ZNF528: variants seen among roughly 807,000 people sequenced by gnomAD.
The protein encoded by ZNF528 is zinc finger protein 528.
Under a neutral mutation model 13.3 loss-of-function variants are expected in ZNF528, and 9 were observed. The observed-to-expected ratio is 0.67, with a 90% CI of 0.41 to 1.18. ZNF528 has a LOEUF of 1.18. Ranked by LOEUF, ZNF528 falls within the 50% of genes most tolerant of loss-of-function variation. The pLI, the probability that ZNF528 is intolerant of heterozygous loss-of-function variation, is 0.01. For missense variants in ZNF528, 858 were observed against 745.4 expected, an observed-to-expected ratio of 1.15 and a Z score of -1.76; for synonymous variants, 264 against 254.3, an observed-to-expected ratio of 1.04 and a Z score of -0.36.
In ZNF528 at chr19:52,398,531, A is replaced by G. The variant is rs1479016280; in HGVS notation, c.-225A>G. 2.0e-6 allele frequency: 2 copies of G among 976,468 alleles called. No individual in the cohort carries two copies. The highest frequency in any genetic ancestry group is 1.2e-4 in the Admixed American group (2 of 16,264). The allele number at this position is 976,468 out of a possible 1,614,324, so 60.5% of individuals were successfully genotyped here. On this transcript the variant is annotated 5_prime_UTR_variant, in exon 2 of 7. Coordinates refer to ENST00000360465, the MANE Select transcript of ZNF528 (RefSeq NM_032423.3). ...CCCCTCCCTGTGAATGTGTGGAGAA[A>G]AAGAGATGGGAACGAGGCAGAGGAA...
chr19:52,406,996 A>T (rs1205078066), intron 6 of ZNF528: 2 of 260,196 alleles, frequency 7.7e-6, no homozygotes, highest in Non-Finnish European at 1.4e-5. Context: ...CCAGTCCAGA[A>T]TGCAATGGCA....
At chr19:52,400,934 A>C (rs1026765637) in intron 2 of ZNF528, among the ~76,000 whole-genome samples, 1 of 152,050 alleles carries the variant, frequency 6.6e-6, no homozygotes, top group Non-Finnish European at 1.5e-5. Flanking sequence ...TGTATTTTTA[A>C]AAATCTGTTT....
rs2059008725 is a variant in ZNF528 at position 52,416,636 on chromosome 19, A to G, written c.1784A>G (p.His595Arg). 3.7e-6 allele frequency: 6 copies of G among 1,614,186 alleles called. No individual in the cohort carries two copies. The East Asian group carries it at 1.3e-4, about 36-fold the overall frequency. ...ACTCAGAAGTCTTCCCTCACCAATC[A>G]CCATAGAATTCACATTGGAGAGAAA... ...IFTQKSSLTN[H>R]HRIHIGEKPY... The change falls in exon 7 of 7, where the codon CAC becomes CGC. Residue 595 changes from histidine to arginine, a missense_variant. Coordinates refer to ENST00000360465, the MANE Select transcript of ZNF528 (RefSeq NM_032423.3).
At chr19:52,403,695 A>G (rs2122522967) in intron 4 of ZNF528, among the ~76,000 whole-genome samples, 1 of 150,946 alleles carries the variant, frequency 6.6e-6, no homozygotes, top group African/African-American at 2.4e-5. Flanking sequence ...AGTGAGAGAC[A>G]ACTTCTCTTA....
At position 52,415,700 on chromosome 19, in the gene ZNF528, A is replaced by G; in HGVS notation, c.848A>G (p.Lys283Arg). 6.2e-7 allele frequency: 1 copy of G among 1,614,160 alleles called. No individual in the cohort carries two copies. The highest frequency in any genetic ancestry group is 1.7e-5 in the Admixed American group (1 of 60,014). ...GACAAGGTCTTTCGAAGCAGTTCAA[A>G]GCTTGCACAACATCAAAGAATTCAT... ...ECDKVFRSSS[K>R]LAQHQRIHTG... The change falls in exon 7 of 7, where the codon AAG becomes AGG. Residue 283 changes from lysine to arginine, a missense_variant. Lys to Arg is a conservative substitution (Grantham distance 26, BLOSUM62 2). Coordinates refer to ENST00000360465, the MANE Select transcript of ZNF528 (RefSeq NM_032423.3).
chr19:52,401,990 A>G lies in ZNF528; in HGVS notation c.-24A>G. On this transcript the variant is annotated 5_prime_UTR_variant, in exon 4 of 7. Coordinates refer to ENST00000360465, the MANE Select transcript of ZNF528 (RefSeq NM_032423.3). ...CATATTATGCAAGGAAGCAACTTGG[A>G]AGAGGAAAGAAAAGAAGTCAGGAAT... The G allele has an allele frequency of 6.2e-7, 1 of 1,614,162 alleles. No individual in the cohort carries two copies. The highest frequency in any genetic ancestry group is 8.5e-7 in the Non-Finnish European group (1 of 1,180,026).
chr19:52,416,499 C>G lies in ZNF528; in HGVS notation c.1647C>G (p.Tyr549Ter). 5 of 1,614,186 alleles carry G rather than the reference C, an allele frequency of 3.1e-6. No individual in the cohort carries two copies. Among genetic ancestry groups the G allele is most frequent in the Non-Finnish European group, 4.2e-6 (5 of 1,180,030 alleles). Residue 549 changes from tyrosine (Y) to a stop codon, truncating the protein, a stop_gained, in exon 7 of 7, where the codon TAC becomes TAG. Transcript: ENST00000360465. LOFTEE classifies it low-confidence loss of function (END_TRUNC). ...TAATTCATACTGGAGAGAGGCCTTA[C>G]AGATGTAGTAAATGTGGCAAAGCAT... ...HQIIHTGERP[Y>*]RCSKCGKAFR...
At chr19:52,400,427 C>A (rs961069390) in intron 2 of ZNF528, among the ~76,000 whole-genome samples, 12 of 152,102 alleles carry the variant, frequency 7.9e-5, no homozygotes, top group Non-Finnish European at 5.9e-5. Context: ...TCTTGCTTGA[C>A]CCCATCCAAT....
chr19:52,411,752 A>G (rs1442975358), intron 6 of ZNF528: 3 of 152,316 alleles, frequency 2.0e-5, no homozygotes, highest in Admixed American at 1.3e-4. Context: ...GAATTTCCCT[A>G]AACCTTTTCT....
chr19:52,416,045 CTCA>C lies in ZNF528; in HGVS notation c.1197_1199del (p.His399del). 2 of 1,614,072 alleles carry C rather than the reference CTCA, an allele frequency of 1.2e-6. No individual in the cohort carries two copies. Among genetic ancestry groups the C allele is most frequent in the Non-Finnish European group, 1.7e-6 (2 of 1,180,030 alleles). On this transcript the variant is annotated inframe_deletion, in exon 7 of 7. Coordinates refer to ENST00000360465, the MANE Select transcript of ZNF528 (RefSeq NM_032423.3). ...TTTGGGCGCAAGTGTTTCCTGACCT[CTCA>C]TCAGAGAATTCATACTAGAGAGAGA...
chr19:52,399,484 C>T (rs1159066124), intron 2 of ZNF528, among the ~76,000 whole-genome samples: 2 of 152,144 alleles, frequency 1.3e-5, no homozygotes, highest in Non-Finnish European at 2.9e-5. Context: ...TGGCCTGCGC[C>T]TGTAATCCCA....
chr19:52,400,902 T>C (rs1419528109), intron 2 of ZNF528, among the ~76,000 whole-genome samples: 1 of 152,164 alleles, frequency 6.6e-6, no homozygotes, highest in Non-Finnish European at 1.5e-5. Context: ...CTCTTTTTTT[T>C]CGCAGCTTTG....
At chr19:52,411,984 G>T (rs1257710831) in intron 6 of ZNF528, 1 of 152,200 alleles carries the variant, frequency 6.6e-6, no homozygotes, top group Non-Finnish European at 1.5e-5. Context: ...CTAGGGGTGT[G>T]GAGGTTAGTC....
chr19:52,415,813 G>GGA lies in ZNF528; in HGVS notation c.966_967dup (p.Lys323ArgfsTer19). On this transcript the variant is annotated frameshift_variant, in exon 7 of 7. Transcript: ENST00000360465. LOFTEE classifies it low-confidence loss of function (END_TRUNC). ...TGTACGACATCAAAAAATTCATACT[G>GGA]GAGAGAAACCTTACAGTTGTAATAA... 6.2e-7 allele frequency: 1 copy of GGA among 1,614,098 alleles called. No individual in the cohort carries two copies. The highest frequency in any genetic ancestry group is 1.7e-5 in the Admixed American group (1 of 60,014).
In ZNF528 at chr19:52,416,311, C is replaced by T. The variant is rs2059003552; in HGVS notation, c.1459C>T (p.His487Tyr). The change falls in exon 7 of 7, where the codon CAT becomes TAT. Residue 487 changes from histidine to tyrosine, a missense_variant. Physicochemically the swap from His to Tyr is moderately conservative, Grantham distance 83. Transcript: ENST00000360465. ...TTCTCTAACCAGTCATCATAGAATT[C>T]ATACTGGAGAGAAGCCTTACAAATG... is the stretch of plus-strand genomic sequence containing the variant. ...KSSLTSHHRI[H>Y]TGEKPYKCNR... The T allele has an allele frequency of 6.2e-7, 1 of 1,613,986 alleles. No homozygotes were observed. Among genetic ancestry groups the T allele is most frequent in the Admixed American group, 1.7e-5 (1 of 60,006 alleles).
rs1168663513 is a variant in ZNF528, at chr19:52,416,922, G to C, written c.*183G>C. 2.8e-5 allele frequency: 17 copies of C among 607,310 alleles called. No homozygotes were observed. In the Admixed American group the frequency reaches 5.3e-4, roughly 19 times the overall value. 37.6% of individuals were successfully genotyped at this position (607,310 alleles called of 1,614,324 possible). The stretch of plus-strand genomic sequence containing the variant: ...GAGGATGAAAGCACACAGATGAATT[G>C]TGTGTACTTGGGCTATTATTCAAGG... On this transcript the variant is annotated 3_prime_UTR_variant, in exon 7 of 7. Transcript: ENST00000360465.
In ZNF528 at chr19:52,416,087, G is replaced by C; in HGVS notation, c.1235G>C (p.Ser412Thr). ...IHTRERPYGCSQCGKIFSQKS... is the reference protein window; with the variant it reads ...IHTRERPYGCTQCGKIFSQKS... ...ACTAGAGAGAGACCTTATGGATGCA[G>C]TCAGTGTGGCAAGATCTTTAGTCAG... The change falls in exon 7 of 7, where the codon AGT (serine) becomes ACT (threonine). Residue 412 changes from serine to threonine, a missense_variant. Transcript: ENST00000360465. 1 of 1,613,968 alleles carries C rather than the reference G, an allele frequency of 6.2e-7. No homozygotes were observed. Among genetic ancestry groups the C allele is most frequent in the Middle Eastern group, 1.6e-4 (1 of 6,062 alleles).
intron 6 of ZNF528, chr19:52,414,106 C>T (rs187068929): frequency 6.0e-5 from 40 of 664,188 alleles, no homozygotes; most frequent in East Asian, 5.2e-4. Flanking sequence ...TTTAGAGCAC[C>T]GACCTCATAT....
At chr19:52,400,940 T>C (rs1446524808) in intron 2 of ZNF528, among the ~76,000 whole-genome samples, 1 of 152,230 alleles carries the variant, frequency 6.6e-6, no homozygotes, top group African/African-American at 2.4e-5. Flanking sequence ...TTTAAAAATC[T>C]GTTTAAAATT....
Sources: allele counts gnomAD v4.1 joint callset (sites outside exome capture counted in the v4.1 genomes callset), GRCh38; gene constraint gnomAD v4.1.1; transcripts MANE v1.5; gene names NCBI Gene and HGNC (gene_info 2026-07-23, HGNC 2026-07-21).